Variants in ARSJ observed in about 807,000 individuals in gnomAD.
ARSJ encodes the protein arylsulfatase family member J, also known as arylsulfatase J.
Under a neutral mutation model 35.9 loss-of-function variants are expected in ARSJ, and 26 were observed. The observed-to-expected ratio is 0.72, with a 90% CI of 0.53 to 1.00. The LOEUF is 1.00. ARSJ is among the 50% of genes least tolerant of loss of function. ARSJ has a pLI of 0.00. For missense variants in ARSJ, 667 were observed against 723.6 expected (o/e 0.92, Z 0.90); for synonymous variants, 294 against 267.6 (o/e 1.10, Z -0.96).
At chr4:113,937,104 G>A in intron 1 of ARSJ, among the ~76,000 whole-genome samples, 1 of 152,064 alleles carries the variant, frequency 6.6e-6, no homozygotes, top group South Asian at 2.1e-4. Context: ...CACTGATTAT[G>A]AATATATTCT....
At chr4:113,936,784 G>A (rs1391257816) in intron 1 of ARSJ, among the ~76,000 whole-genome samples, 1 of 151,532 alleles carries the variant, frequency 6.6e-6, no homozygotes, top group African/African-American at 2.4e-5. Context: ...TTTTTATTTT[G>A]GAACTCATAA....
intron 1 of ARSJ, among the ~76,000 whole-genome samples, chr4:113,904,603 C>G (rs544762898): frequency 4.7e-4 from 72 of 152,258 alleles, no homozygotes; most frequent in Admixed American, 9.1e-4. Flanking sequence ...TCCTGCCTCA[C>G]CCTCCGGAGT....
In ARSJ at chr4:113,902,032, A is replaced by C. The variant is rs1196607406; in HGVS notation, c.*242T>G. On this transcript the variant is annotated 3_prime_UTR_variant, in exon 2 of 2. Transcript: ENST00000315366. ...CAGGACTCACCACGTTTTCTAAAGG[A>C]GCAAGAGAAATAAACATCTCCACTC... 8.1e-7 allele frequency: 1 copy of C among 1,229,020 alleles called. No homozygotes were observed. Among genetic ancestry groups the C allele is most frequent in the African/African-American group, 1.5e-5 (1 of 66,160 alleles). 76.1% of individuals were successfully genotyped at this position (1,229,020 alleles called of 1,614,324 possible).
At chr4:113,913,172 C>A (rs1723049542) in intron 1 of ARSJ, among the ~76,000 whole-genome samples, 1 of 152,048 alleles carries the variant, frequency 6.6e-6, no homozygotes, top group Non-Finnish European at 1.5e-5. Context: ...GGAAACTTGT[C>A]AAGTAACTTT....
intron 1 of ARSJ, among the ~76,000 whole-genome samples, chr4:113,912,388 G>A (rs1212127772): frequency 2.6e-5 from 4 of 152,132 alleles, no homozygotes; most frequent in African/African-American, 9.7e-5. Context: ...GACCTTATAA[G>A]CTATTCTTTA....
At chr4:113,929,566 G>A (rs1020196504) in intron 1 of ARSJ, among the ~76,000 whole-genome samples, 2 of 152,132 alleles carry the variant, frequency 1.3e-5, no homozygotes, top group African/African-American at 4.8e-5. Context: ...CCAAGTTGCA[G>A]GGTCCTGTTC....
At chr4:113,910,663 C>A (rs868720717) in intron 1 of ARSJ, among the ~76,000 whole-genome samples, 2 of 152,040 alleles carry the variant, frequency 1.3e-5, no homozygotes, top group African/African-American at 4.8e-5. Context: ...ATTATATCTT[C>A]TGGAAAGGGG....
At chr4:113,941,456 GGTCCTCAAACAACTTGT>G (rs1196811279) in intron 1 of ARSJ, among the ~76,000 whole-genome samples, 1 of 151,954 alleles carries the variant, frequency 6.6e-6, no homozygotes, top group Non-Finnish European at 1.5e-5. Flanking sequence ...ATGGCATATA[GGTCCTCAAACAACTTGT>G]GTCTGGTATC....
In ARSJ at chr4:113,902,359, T is replaced by C; in HGVS notation, c.1715A>G (p.Lys572Arg). The change falls in exon 2 of 2, where the codon AAG becomes AGG. Residue 572 changes from lysine to arginine, a missense_variant. By Grantham distance (26) the Lys-to-Arg change is conservative (BLOSUM62 2). Coordinates refer to ENST00000315366, the MANE Select transcript of ARSJ (RefSeq NM_024590.4). The part of the protein sequence containing the change: ...KKPSKNQAEK[K>R]QKKSKKKKKK... ...CTTCTTTTTTTTGCTTTTCTTTTGC[T>C]TTTTCTCAGCCTGATTTTTGCTTGG... 6.2e-7 allele frequency: 1 copy of C among 1,613,670 alleles called. No homozygotes were observed. The highest frequency in any genetic ancestry group is 8.5e-7 in the Non-Finnish European group (1 of 1,179,848).
chr4:113,971,753 G>T (rs1562378833), intron 1 of ARSJ, among the ~76,000 whole-genome samples: 2 of 152,196 alleles, frequency 1.3e-5, no homozygotes, highest in Non-Finnish European at 2.9e-5. Flanking sequence ...AGTAATGACT[G>T]AACTCATATA....
chr4:113,938,728 A>G (rs558865867), intron 1 of ARSJ, among the ~76,000 whole-genome samples: 5 of 151,986 alleles, frequency 3.3e-5, no homozygotes, highest in Middle Eastern at 3.4e-3. Context: ...TTACAAGAAA[A>G]AAAAACTACC....
intron 1 of ARSJ, among the ~76,000 whole-genome samples, chr4:113,916,353 C>T (rs1400127148): frequency 6.6e-6 from 1 of 152,068 alleles, no homozygotes; most frequent in Non-Finnish European, 1.5e-5. Flanking sequence ...GAACCTCAGT[C>T]TTTTCATTTA....
chr4:113,931,116 G>A (rs1724418767), intron 1 of ARSJ, among the ~76,000 whole-genome samples: 1 of 151,220 alleles, frequency 6.6e-6, no homozygotes, highest in South Asian at 2.1e-4. Flanking sequence ...CATGGCACAT[G>A]TATACATATG....
chr4:113,968,604 C>T (rs186441371), intron 1 of ARSJ, among the ~76,000 whole-genome samples: 16 of 152,238 alleles, frequency 1.1e-4, no homozygotes, highest in African/African-American at 3.1e-4. Flanking sequence ...AATGAGGATG[C>T]GGGCCTAGTG....
At chr4:113,936,584 C>A (rs1724780532) in intron 1 of ARSJ, among the ~76,000 whole-genome samples, 1 of 151,762 alleles carries the variant, frequency 6.6e-6, no homozygotes, top group Admixed American at 6.6e-5. Flanking sequence ...TTTAGTTCTA[C>A]TTTTTGTACT....
At chr4:113,961,839 A>C (rs1726554934) in intron 1 of ARSJ, among the ~76,000 whole-genome samples, 1 of 151,566 alleles carries the variant, frequency 6.6e-6, no homozygotes, top group Non-Finnish European at 1.5e-5. Context: ...CCTTGACATT[A>C]ATCCAAGAGA....
chr4:113,937,595 A>T (rs529402286), intron 1 of ARSJ, among the ~76,000 whole-genome samples: 9 of 152,206 alleles, frequency 5.9e-5, no homozygotes, highest in Non-Finnish European at 1.2e-4. Flanking sequence ...AGAGGAGGTC[A>T]AATTGTCTGT....
chr4:113,956,373 G>A (rs1170989976), intron 1 of ARSJ, among the ~76,000 whole-genome samples: 2 of 152,008 alleles, frequency 1.3e-5, no homozygotes, highest in Non-Finnish European at 2.9e-5. Context: ...GGGGTTCTAC[G>A]ACATTAAAAG....
intron 1 of ARSJ, among the ~76,000 whole-genome samples, chr4:113,961,641 G>A (rs1319480677): frequency 6.6e-6 from 1 of 152,066 alleles, no homozygotes; most frequent in Non-Finnish European, 1.5e-5. Flanking sequence ...CACCAATGTG[G>A]AAAAGTTGTA....
Sources: gnomAD v4.1 joint callset for allele counts (sites outside exome capture counted in the v4.1 genomes callset) on GRCh38, gnomAD v4.1.1 for gene constraint, MANE v1.5 for transcripts, NCBI Gene and HGNC (gene_info 2026-07-23, HGNC 2026-07-21) for gene names.